The following NKAIN2 variants were observed in gnomAD, a reference collection of about 807,000 sequenced individuals.
The protein encoded by NKAIN2 is sodium/potassium transporting ATPase interacting 2.
A neutral mutation model predicts 32.6 loss-of-function variants in NKAIN2; 14 were observed. The observed-to-expected ratio is 0.43, with a 90% confidence interval of 0.28 to 0.67. The LOEUF (loss-of-function observed/expected upper bound fraction) is 0.67. Among genes scored for constraint, NKAIN2 ranks in the 30% least tolerant of loss-of-function variants. The pLI, the probability that NKAIN2 is intolerant of heterozygous loss-of-function variation, is 0.17. For missense variants in NKAIN2, 198 were observed against 258.3 expected (o/e 0.77, Z 1.60); for synonymous variants, 80 against 87.2 (o/e 0.92, Z 0.46).
At chr6:123,869,566 T>C (rs1772761302) in intron 1 of NKAIN2, among the ~76,000 whole-genome samples, 1 of 152,202 alleles carries the variant, frequency 6.6e-6, no homozygotes, top group African/African-American at 2.4e-5. Flanking sequence ...ACTGAACAAA[T>C]TGCATAGTTC....
chr6:124,787,152 T>C (rs1046504742), intron 4 of NKAIN2, among the ~76,000 whole-genome samples: 4 of 152,138 alleles, frequency 2.6e-5, no homozygotes, highest in Non-Finnish European at 5.9e-5. Flanking sequence ...GCACCTTTAT[T>C]CAGCCTTAAA....
chr6:124,163,444 G>A (rs1788376559), intron 1 of NKAIN2, among the ~76,000 whole-genome samples: 1 of 151,900 alleles, frequency 6.6e-6, no homozygotes, highest in African/African-American at 2.4e-5. Context: ...TATAGATGTG[G>A]AAATGCAGGC....
At chr6:124,253,206 G>T (rs1401707339) in intron 1 of NKAIN2, among the ~76,000 whole-genome samples, 2 of 152,078 alleles carry the variant, frequency 1.3e-5, no homozygotes, top group Non-Finnish European at 2.9e-5. Context: ...TGGAAGCCTT[G>T]CACATTTTCC....
intron 1 of NKAIN2, among the ~76,000 whole-genome samples, chr6:124,264,078 A>G (rs182127085): frequency 1.5e-4 from 23 of 152,330 alleles, no homozygotes; most frequent in Admixed American, 5.2e-4. Context: ...TCCCCAGCTC[A>G]TATGGGTTTA....
chr6:124,240,723 C>G, intron 1 of NKAIN2, among the ~76,000 whole-genome samples: 1 of 152,098 alleles, frequency 6.6e-6, no homozygotes, highest in Middle Eastern at 3.2e-3. Flanking sequence ...TCTCAATAAA[C>G]TAGGTATTGA....
chr6:124,335,646 G>C (rs1385957083), intron 2 of NKAIN2, among the ~76,000 whole-genome samples: 3 of 152,056 alleles, frequency 2.0e-5, no homozygotes, highest in Admixed American at 2.0e-4. Context: ...CTTAGTAAAT[G>C]ATAATTATAT....
At chr6:124,368,575 A>AAGCT (rs1280472080) in intron 3 of NKAIN2, among the ~76,000 whole-genome samples, 1 of 152,082 alleles carries the variant, frequency 6.6e-6, no homozygotes, top group African/African-American at 2.4e-5. Flanking sequence ...TTTGGAACAT[A>AAGCT]AGCTAGCATT....
intron 3 of NKAIN2, among the ~76,000 whole-genome samples, chr6:124,553,513 G>T (rs1405993548): frequency 6.6e-6 from 1 of 152,076 alleles, no homozygotes; most frequent in African/African-American, 2.4e-5. Context: ...CTCCATGTTG[G>T]TCAGGCTGGT....
At chr6:124,493,499 A>C (rs1483008349) in intron 3 of NKAIN2, among the ~76,000 whole-genome samples, 1 of 152,012 alleles carries the variant, frequency 6.6e-6, no homozygotes, top group Non-Finnish European at 1.5e-5. Context: ...GAACAAATGA[A>C]CAGGAAGTGT....
intron 4 of NKAIN2, among the ~76,000 whole-genome samples, chr6:124,754,900 A>T (rs1383753042): frequency 2.0e-5 from 3 of 152,184 alleles, no homozygotes; most frequent in Non-Finnish European, 4.4e-5. Flanking sequence ...CCCATCAATG[A>T]TAGAGTGGAG....
intron 4 of NKAIN2, among the ~76,000 whole-genome samples, chr6:124,711,458 G>T (rs558463717): frequency 1.3e-5 from 2 of 151,086 alleles, no homozygotes; most frequent in South Asian, 4.2e-4. Context: ...AGGTACACCA[G>T]TCAGACACAG....
chr6:124,734,761 G>A (rs758500435), intron 4 of NKAIN2, among the ~76,000 whole-genome samples: 4 of 151,824 alleles, frequency 2.6e-5, no homozygotes, highest in Non-Finnish European at 5.9e-5. Context: ...AATGTTTATT[G>A]AACAGAACTG....
intron 1 of NKAIN2, among the ~76,000 whole-genome samples, chr6:124,233,083 G>T (rs557728662): frequency 1.3e-5 from 2 of 152,074 alleles, no homozygotes; most frequent in African/African-American, 2.4e-5. Context: ...AATTATTTGG[G>T]CTACAGTTGG....
chr6:124,369,806 T>C (rs1052974147), intron 3 of NKAIN2, among the ~76,000 whole-genome samples: 3 of 151,128 alleles, frequency 2.0e-5, no homozygotes, highest in Non-Finnish European at 4.4e-5. Context: ...TACCCAGACA[T>C]GATCCTTGGG....
At chr6:124,364,442 G>A (rs369809384) in intron 3 of NKAIN2, among the ~76,000 whole-genome samples, 3 of 151,842 alleles carry the variant, frequency 2.0e-5, no homozygotes, top group South Asian at 4.2e-4. Context: ...AAGTGTAATC[G>A]AGAAAACCAG....
intron 1 of NKAIN2, among the ~76,000 whole-genome samples, chr6:124,248,340 G>A (rs1319440802): frequency 6.6e-6 from 1 of 151,928 alleles, no homozygotes; most frequent in Non-Finnish European, 1.5e-5. Context: ...TATAGCGATT[G>A]TACATAAATG....
chr6:123,926,776 A>C (rs370691813), intron 1 of NKAIN2, among the ~76,000 whole-genome samples: 1 of 152,246 alleles, frequency 6.6e-6, no homozygotes, highest in African/African-American at 2.4e-5. Flanking sequence ...TGGACATGCA[A>C]CCAGATTAGT....
chr6:123,997,762 C>G (rs534137320), intron 1 of NKAIN2, among the ~76,000 whole-genome samples: 138 of 151,930 alleles, frequency 9.1e-4, no homozygotes, highest in Non-Finnish European at 1.8e-3. Flanking sequence ...TGCCACCACG[C>G]CCGGCTAATT....
At chr6:124,413,863 T>TG (rs1774337227) in intron 3 of NKAIN2, among the ~76,000 whole-genome samples, 1 of 152,294 alleles carries the variant, frequency 6.6e-6, no homozygotes, top group South Asian at 2.1e-4. Flanking sequence ...ATTCAGCTGA[T>TG]TTTTATATTG....
Sources: allele counts gnomAD v4.1 joint callset (sites outside exome capture counted in the v4.1 genomes callset), GRCh38; gene constraint gnomAD v4.1.1; transcripts MANE v1.5; gene names NCBI Gene and HGNC (gene_info 2026-07-23, HGNC 2026-07-21).